The following COMMD10 variants were observed in gnomAD, a reference collection of about 807,000 sequenced individuals.
The protein encoded by COMMD10 is COMM domain containing 10.
A neutral mutation model predicts 28.9 loss-of-function variants in COMMD10; 33 were observed. The ratio of observed to expected loss-of-function variants is 1.14; its 90% CI spans 0.87 to 1.53. The LOEUF is 1.53. Among genes scored for constraint, COMMD10 ranks in the 40% most tolerant of loss-of-function variants. COMMD10 has a pLI of 0.00. For missense variants in COMMD10, 310 were observed against 233.4 expected (o/e 1.33, Z -2.14); for synonymous variants, 110 against 81.7 (o/e 1.35, Z -1.87).
chr5:116,088,473 A>G (rs945430955), intron 2 of COMMD10, among the ~76,000 whole-genome samples: 1 of 152,196 alleles, frequency 6.6e-6, no homozygotes, highest in African/African-American at 2.4e-5. Flanking sequence ...AAGATGTATT[A>G]TATTTTTTAC....
chr5:116,091,762 A>G (rs1168382252), intron 3 of COMMD10, among the ~76,000 whole-genome samples: 1 of 152,196 alleles, frequency 6.6e-6, no homozygotes, highest in African/African-American at 2.4e-5. Flanking sequence ...TGTGGGGAGC[A>G]GGATCATATT....
At chr5:116,195,188 A>G (rs1031425876) in intron 5 of COMMD10, among the ~76,000 whole-genome samples, 10 of 152,182 alleles carry the variant, frequency 6.6e-5, no homozygotes, top group Non-Finnish European at 1.0e-4. Flanking sequence ...GCCATCAATG[A>G]CAAACCCACA....
chr5:116,147,946 A>G (rs1426639808), intron 5 of COMMD10, among the ~76,000 whole-genome samples: 3 of 151,810 alleles, frequency 2.0e-5, no homozygotes, highest in East Asian at 3.9e-4. Flanking sequence ...AACATCTTTT[A>G]TTGTCAGTAC....
chr5:116,229,718 G>C (rs1296947601), intron 5 of COMMD10, among the ~76,000 whole-genome samples: 2 of 151,950 alleles, frequency 1.3e-5, no homozygotes, highest in Non-Finnish European at 2.9e-5. Context: ...TCATGCAACA[G>C]AATACAAGCA....
At chr5:116,124,880 A>T (rs1751568596) in intron 4 of COMMD10, among the ~76,000 whole-genome samples, 1 of 152,054 alleles carries the variant, frequency 6.6e-6, no homozygotes, top group Non-Finnish European at 1.5e-5. Context: ...AGAGACTAGG[A>T]TTGCAACCCC....
chr5:116,205,758 T>C (rs545497097), intron 5 of COMMD10, among the ~76,000 whole-genome samples: 11 of 152,274 alleles, frequency 7.2e-5, no homozygotes, highest in African/African-American at 2.2e-4. Flanking sequence ...TAAGTTGTTA[T>C]AACAGTTCCT....
At chr5:116,118,076 C>G (rs1751301115) in intron 4 of COMMD10, among the ~76,000 whole-genome samples, 2 of 152,144 alleles carry the variant, frequency 1.3e-5, no homozygotes. Context: ...TTTTAACATC[C>G]TCTATCTGGC....
intron 4 of COMMD10, among the ~76,000 whole-genome samples, chr5:116,110,881 TGGTG>T (rs754524957): frequency 0.023 from 3,536 of 152,084 alleles, 53 homozygotes; most frequent in Non-Finnish European, 0.034. Context: ...CCAAGAGGGG[TGGTG>T]CTAAATCATT....
chr5:116,110,764 A>G (rs899628168), intron 4 of COMMD10, among the ~76,000 whole-genome samples: 1 of 152,086 alleles, frequency 6.6e-6, no homozygotes, highest in African/African-American at 2.4e-5. Context: ...GTGAAGGGGG[A>G]GCAAACCCAT....
chr5:116,278,308 A>C (rs565925459), intron 5 of COMMD10, among the ~76,000 whole-genome samples: 1 of 151,940 alleles, frequency 6.6e-6, no homozygotes, highest in East Asian at 1.9e-4. Flanking sequence ...GATTATATTC[A>C]GCAACCATAG....
At chr5:116,121,138 C>T (rs1399685898) in intron 4 of COMMD10, among the ~76,000 whole-genome samples, 2 of 151,970 alleles carry the variant, frequency 1.3e-5, no homozygotes, top group African/African-American at 4.8e-5. Context: ...CCCCTGCCCC[C>T]CACCACATGA....
intron 5 of COMMD10, among the ~76,000 whole-genome samples, chr5:116,272,891 A>G (rs565244259): frequency 6.6e-6 from 1 of 151,742 alleles, no homozygotes; most frequent in Admixed American, 6.6e-5. Context: ...GAACAAGATT[A>G]TTTTTTTCCT....
intron 5 of COMMD10, among the ~76,000 whole-genome samples, chr5:116,181,487 C>A (rs1360217146): frequency 6.7e-6 from 1 of 150,318 alleles, no homozygotes; most frequent in Non-Finnish European, 1.5e-5. Context: ...AACCTATCTA[C>A]ATTATTGCTA....
intron 4 of COMMD10, among the ~76,000 whole-genome samples, chr5:116,101,934 G>A (rs929279590): frequency 6.6e-6 from 1 of 152,032 alleles, no homozygotes; most frequent in African/African-American, 2.4e-5. Context: ...TCAGTTGTTT[G>A]GGTTTTTTGT....
At chr5:116,286,829 G>T (rs1297882464) in intron 5 of COMMD10, among the ~76,000 whole-genome samples, 1 of 151,762 alleles carries the variant, frequency 6.6e-6, no homozygotes, top group African/African-American at 2.4e-5. Flanking sequence ...TACATGTTCT[G>T]CTATTTTTGA....
chr5:116,268,822 T>A (rs1303342859), intron 5 of COMMD10, among the ~76,000 whole-genome samples: 1 of 151,476 alleles, frequency 6.6e-6, no homozygotes, highest in East Asian at 1.9e-4. Flanking sequence ...CTGGAAACCA[T>A]CATTCTCAGG....
chr5:116,202,662 C>G (rs928884828), intron 5 of COMMD10, among the ~76,000 whole-genome samples: 26 of 151,936 alleles, frequency 1.7e-4, no homozygotes, highest in East Asian at 5.8e-4. Flanking sequence ...TTTCATGTGT[C>G]TTTTGGCTGC....
intron 5 of COMMD10, among the ~76,000 whole-genome samples, chr5:116,226,335 A>T (rs1749392883): frequency 6.6e-6 from 1 of 152,056 alleles, no homozygotes; most frequent in Non-Finnish European, 1.5e-5. Flanking sequence ...ACATTCAATG[A>T]AATTCAAATG....
chr5:116,094,211 A>G (rs1021049140), intron 4 of COMMD10, among the ~76,000 whole-genome samples: 1 of 152,238 alleles, frequency 6.6e-6, no homozygotes, highest in African/African-American at 2.4e-5. Flanking sequence ...ATTAGAGGAA[A>G]CAATCAACAA....
Sources: gnomAD v4.1 joint callset for allele counts (sites outside exome capture counted in the v4.1 genomes callset) on GRCh38, gnomAD v4.1.1 for gene constraint, MANE v1.5 for transcripts, NCBI Gene and HGNC (gene_info 2026-07-23, HGNC 2026-07-21) for gene names.